Variants in CELF2 observed in about 807,000 individuals in gnomAD.
CELF2 encodes CUG triplet repeat RNA-binding protein 2.
In CELF2, 8 loss-of-function variants were observed where a neutral mutation model predicts 62.6. The ratio of observed to expected loss-of-function variants is 0.13; its 90% CI spans 0.07 to 0.23. The LOEUF (loss-of-function observed/expected upper bound fraction) is 0.23. Among genes scored for constraint, CELF2 ranks in the 10% least tolerant of loss-of-function variants. CELF2 has a pLI of 1.00. For missense variants in CELF2, 333 were observed against 671.0 expected, an observed-to-expected ratio of 0.50 and a Z score of 5.56; for synonymous variants, 258 against 250.0, an observed-to-expected ratio of 1.03 and a Z score of -0.30.
rs574551096 is a variant in CELF2 at position 11,179,615 on chromosome 10, G to A, written c.271+13933G>A. 2.6e-5 allele frequency among the ~76,000 whole-genome samples: 4 copies of A among 152,294 alleles called. No individual in the cohort carries two copies. In the East Asian group the frequency reaches 5.8e-4, roughly 22 times the overall value. ...TTAGGACATGTGTTGAGAACCCTAC[G>A]TGCCAGGCAGTGTGCCGCATCCCAG... On this transcript the variant is annotated intron_variant, in intron 2 of 12. Transcript: ENST00000633077.
At chr10:10,730,155 A>G in the CELF2 span, among the ~76,000 whole-genome samples, 3 of 151,720 alleles carry the variant, frequency 2.0e-5, no homozygotes, top group Non-Finnish European at 2.9e-5. Context: ...TTTTCCCTCC[A>G]CTGTGCTCAC....
the CELF2 span, among the ~76,000 whole-genome samples, chr10:10,686,730 G>C: frequency 6.6e-6 from 1 of 152,104 alleles, no homozygotes; most frequent in African/African-American, 2.4e-5. Flanking sequence ...AGGCCCCCCA[G>C]CCATGTGGAA....
intron 1 of CELF2, among the ~76,000 whole-genome samples, chr10:11,077,767 A>G (rs2072531413): frequency 6.6e-6 from 1 of 152,174 alleles, no homozygotes; most frequent in Admixed American, 6.5e-5. Context: ...ACCATAATCA[A>G]AACCATACAG....
In CELF2 at chr10:10,929,109, T is replaced by C. The variant is rs549353035; in HGVS notation, c.89+9110T>C. ...CCTTCTCACTCTTCTCACTGCTCCGTAGACTTGGGCACCTGGAAAAATTCA... is the reference window on the plus strand; with the variant it reads ...CCTTCTCACTCTTCTCACTGCTCCGCAGACTTGGGCACCTGGAAAAATTCA... On this transcript the variant is annotated intron_variant, in intron 2 of 13. Coordinates refer to the CELF2 transcript ENST00000636488. 4.6e-5 allele frequency among the ~76,000 whole-genome samples: 7 copies of C among 152,300 alleles called. No individual in the cohort carries two copies. In the East Asian group the frequency reaches 1.3e-3, roughly 29 times the overall value.
At chr10:10,814,870 A>C (rs2056300546) in intron 1 of CELF2, among the ~76,000 whole-genome samples, 1 of 152,234 alleles carries the variant, frequency 6.6e-6, no homozygotes, top group South Asian at 2.1e-4. Context: ...AGTATGCCTG[A>C]AATCACACAC....
intron 2 of CELF2, among the ~76,000 whole-genome samples, chr10:10,987,644 T>C (rs1008240371): frequency 6.6e-6 from 1 of 152,154 alleles, no homozygotes; most frequent in African/African-American, 2.4e-5. Flanking sequence ...AAAAAGATGT[T>C]TTAGTTTATA....
chr10:11,225,682 C>G (rs577940896), intron 3 of CELF2, among the ~76,000 whole-genome samples: 1 of 152,084 alleles, frequency 6.6e-6, no homozygotes, highest in Admixed American at 6.5e-5. Context: ...TGGACTCGAA[C>G]GAGTCAGTTT....
chr10:10,483,736 G>C, the CELF2 span, among the ~76,000 whole-genome samples: 1 of 148,842 alleles, frequency 6.7e-6, no homozygotes, highest in Non-Finnish European at 1.5e-5. Flanking sequence ...GCTGAAAGGA[G>C]GACTCTGAAA....
the CELF2 span, among the ~76,000 whole-genome samples, chr10:10,683,548 A>G: frequency 6.6e-6 from 1 of 152,218 alleles, no homozygotes; most frequent in Non-Finnish European, 1.5e-5. Flanking sequence ...GATTACAGAC[A>G]GGCTCATTCT....
intron 2 of CELF2, chr10:10,927,346 T>TAAGAAAAAAAAAAAAAAAAAAAAAAA (rs2065585794): frequency 1.2e-5 from 1 of 85,864 alleles, no homozygotes. Flanking sequence ...CTAGTGACAT[T>TAAGAAAAAAAAAAAAAAAAAAAAAAA]AAAAAAAAAA....
At chr10:10,659,044 TG>T in the CELF2 span, among the ~76,000 whole-genome samples, 2 of 152,182 alleles carry the variant, frequency 1.3e-5, no homozygotes, top group Admixed American at 6.5e-5. Flanking sequence ...GCTTCACAAT[TG>T]TTTGACCTCT....
Position 11,159,219 on chromosome 10 carries a change from T to C in CELF2, c.75-6267T>C, listed in dbSNP as rs2065155294. Among the ~76,000 whole-genome samples, 2 of 151,718 alleles carry C rather than the reference T, an allele frequency of 1.3e-5. No homozygotes were observed. The highest frequency in any genetic ancestry group is 2.9e-5 in the Non-Finnish European group (2 of 67,944). ...AATACCTTCCACCTAAATAGGGGAG[T>C]GTCATTATTTTCACATATTTTTGGT... is the stretch of plus-strand genomic sequence containing the variant. On this transcript the variant is annotated intron_variant, in intron 1 of 12. Transcript: ENST00000633077. The surrounding 1 kb of genome is among the most constrained non-coding windows in gnomAD (Gnocchi z 5.0).
At chr10:11,192,264 TC>T (rs1348351995) in intron 2 of CELF2, among the ~76,000 whole-genome samples, 1 of 152,208 alleles carries the variant, frequency 6.6e-6, no homozygotes, top group Non-Finnish European at 1.5e-5. Flanking sequence ...ATCCCCTTGA[TC>T]CCAGCAAGGC....
the CELF2 span, among the ~76,000 whole-genome samples, chr10:10,757,535 CAT>C: frequency 6.6e-6 from 1 of 152,076 alleles, no homozygotes; most frequent in Non-Finnish European, 1.5e-5. Flanking sequence ...CATGCACACA[CAT>C]GTATGTATGT....
chr10:10,894,538 G>A (rs528336593), intron 1 of CELF2, among the ~76,000 whole-genome samples: 1 of 152,316 alleles, frequency 6.6e-6, no homozygotes, highest in South Asian at 2.1e-4. Context: ...TTAGCACACA[G>A]ACGTCCCAGG....
chr10:10,991,032 C>T (rs563482088), intron 2 of CELF2, among the ~76,000 whole-genome samples: 11 of 151,914 alleles, frequency 7.2e-5, no homozygotes, highest in African/African-American at 2.7e-4. Context: ...TTTTTTTCCC[C>T]CCATAAAGTA....
At chr10:10,558,497 T>C in the CELF2 span, among the ~76,000 whole-genome samples, 2 of 151,550 alleles carry the variant, frequency 1.3e-5, no homozygotes, top group African/African-American at 4.9e-5. Flanking sequence ...TAAAATTCTC[T>C]TTTTTTGTTG....
At chr10:10,545,827 T>A in the CELF2 span, among the ~76,000 whole-genome samples, 304 of 152,302 alleles carry the variant, frequency 2.0e-3, no homozygotes, top group African/African-American at 7.0e-3. Flanking sequence ...TATTTTGCAG[T>A]GAACTGAAAA....
At chr10:10,653,192 T>C in the CELF2 span, among the ~76,000 whole-genome samples, 1 of 152,128 alleles carries the variant, frequency 6.6e-6, no homozygotes, top group Non-Finnish European at 1.5e-5. Flanking sequence ...ATGCACCCAA[T>C]ACAGGGGAAC....
Sources: allele counts gnomAD v4.1 joint callset (sites outside exome capture counted in the v4.1 genomes callset), GRCh38; gene constraint gnomAD v4.1.1; non-coding constraint Gnocchi (gnomAD v3.1); transcripts MANE v1.5; gene names NCBI Gene and HGNC (gene_info 2026-07-23, HGNC 2026-07-21).